Variants in FAAH2 observed in about 807,000 individuals in gnomAD.
FAAH2 encodes the protein fatty-acid amide hydrolase 2.
In FAAH2, 60 loss-of-function variants were observed where a neutral mutation model predicts 36.9. The observed-to-expected ratio is 1.63, with a 90% CI of 1.32 to 2.02. The LOEUF is 2.02. Among genes scored for constraint, FAAH2 ranks in the 30% most tolerant of loss-of-function variants. FAAH2 has a pLI of 0.00. For synonymous variants in FAAH2, 214 were observed against 143.8 expected (o/e 1.49, Z -3.49); for missense variants, 689 against 397.5 (o/e 1.73, Z -6.23).
At chrX:57,363,981 A>G (rs1338079691) in intron 5 of FAAH2, among the ~76,000 whole-genome samples, 1 of 78,169 alleles carries the variant, frequency 1.3e-5, no homozygotes, top group African/African-American at 4.8e-5. Flanking sequence ...TTTTGCATCT[A>G]TGTTCATCAT....
chrX:57,334,898 G>T (rs1163142118), intron 4 of FAAH2, among the ~76,000 whole-genome samples: 1 of 111,482 alleles, frequency 9.0e-6, no homozygotes, highest in Non-Finnish European at 1.9e-5. Flanking sequence ...CACAATTATA[G>T]TGGGAGAACT....
chrX:57,427,644 A>C (rs2056194708), intron 7 of FAAH2, among the ~76,000 whole-genome samples: 1 of 112,034 alleles, frequency 8.9e-6, no homozygotes, highest in Admixed American at 9.5e-5. Context: ...AACAGAATTA[A>C]AAGCAAAAGC....
intron 8 of FAAH2, among the ~76,000 whole-genome samples, chrX:57,435,192 T>G (rs1487261839): frequency 2.7e-5 from 3 of 111,317 alleles, no homozygotes; most frequent in Non-Finnish European, 5.7e-5. Context: ...TAAAACTCAA[T>G]GATATTATAA....
At chrX:57,351,383 A>G (rs2053995159) in intron 5 of FAAH2, among the ~76,000 whole-genome samples, 2 of 111,554 alleles carry the variant, frequency 1.8e-5, no homozygotes, top group South Asian at 7.3e-4. Flanking sequence ...CGTCCAAAAA[A>G]AGTACAAAGA....
At chrX:57,458,869 T>G (rs1014277947) in intron 10 of FAAH2, among the ~76,000 whole-genome samples, 9 of 112,206 alleles carry the variant, frequency 8.0e-5, no homozygotes. Flanking sequence ...GGACCTGGGT[T>G]TGAAACACAA....
At chrX:57,324,447 T>A (rs11091642) in intron 3 of FAAH2, among the ~76,000 whole-genome samples, 2 of 111,145 alleles carry the variant, frequency 1.8e-5, no homozygotes, top group East Asian at 5.7e-4. Context: ...GCCATTTTCA[T>A]GATATTGATT....
At chrX:57,295,417 A>T (rs1208348030) in intron 2 of FAAH2, among the ~76,000 whole-genome samples, 1 of 112,094 alleles carries the variant, frequency 8.9e-6, no homozygotes, top group Non-Finnish European at 1.9e-5. Context: ...AGAGGGCACA[A>T]ATTATCAAAG....
the FAAH2 span, among the ~76,000 whole-genome samples, chrX:57,259,943 G>C: frequency 9.0e-6 from 1 of 111,571 alleles, no homozygotes; most frequent in Non-Finnish European, 1.9e-5. Context: ...TTTAATAATA[G>C]TGACTGAAAT....
the FAAH2 span, among the ~76,000 whole-genome samples, chrX:57,200,690 G>C: frequency 9.0e-6 from 1 of 111,310 alleles, no homozygotes; most frequent in Non-Finnish European, 1.9e-5. Context: ...TCCTTCCACT[G>C]TTTAATTTTT....
chrX:57,396,454 T>C (rs1314107368), intron 7 of FAAH2, among the ~76,000 whole-genome samples: 1 of 109,788 alleles, frequency 9.1e-6, no homozygotes. Flanking sequence ...TTCTCTCTTT[T>C]GGATGAAGGC....
At chrX:57,413,197 T>C (rs188624248) in intron 7 of FAAH2, among the ~76,000 whole-genome samples, 2 of 112,299 alleles carry the variant, frequency 1.8e-5, no homozygotes, top group Non-Finnish European at 3.8e-5. Flanking sequence ...GATGATAGTT[T>C]CTTTGCTATG....
the FAAH2 span, among the ~76,000 whole-genome samples, chrX:57,212,774 G>A: frequency 8.9e-6 from 1 of 111,863 alleles, no homozygotes; most frequent in Non-Finnish European, 1.9e-5. Flanking sequence ...TGAAAATGGT[G>A]TCCTGTGGTT....
intron 2 of FAAH2, among the ~76,000 whole-genome samples, chrX:57,306,976 T>TAC (rs199916519): frequency 1.5e-4 from 9 of 58,744 alleles, no homozygotes; most frequent in East Asian, 5.4e-4. Context: ...CACACACGTA[T>TAC]ACACACACAC....
At chrX:57,267,729 T>A in the FAAH2 span, among the ~76,000 whole-genome samples, 1 of 111,892 alleles carries the variant, frequency 8.9e-6, no homozygotes, top group African/African-American at 3.2e-5. Flanking sequence ...AGCCCAGAAG[T>A]TCAGAGATGA....
chrX:57,432,534 G>T (rs1011099764), intron 8 of FAAH2, among the ~76,000 whole-genome samples: 7 of 111,370 alleles, frequency 6.3e-5, no homozygotes, highest in African/African-American at 2.0e-4. Flanking sequence ...AGAGCTATCT[G>T]CCCATCTCCT....
At chrX:57,138,794 T>C in the FAAH2 span, among the ~76,000 whole-genome samples, 1 of 112,075 alleles carries the variant, frequency 8.9e-6, no homozygotes, top group African/African-American at 3.2e-5. Flanking sequence ...TATTTTGATA[T>C]ACAATTACCT....
the FAAH2 span, among the ~76,000 whole-genome samples, chrX:57,236,961 G>T: frequency 0.01 from 1,147 of 111,261 alleles, 16 homozygotes; most frequent in African/African-American, 0.035. Flanking sequence ...TTTCCTTGTG[G>T]TTTTTTCTGA....
At chrX:57,130,683 G>A in the FAAH2 span, among the ~76,000 whole-genome samples, 3 of 112,237 alleles carry the variant, frequency 2.7e-5, no homozygotes, top group African/African-American at 6.5e-5. Flanking sequence ...CTTCAAGACA[G>A]AGGCAAGAAG....
At chrX:57,230,951 T>C in the FAAH2 span, among the ~76,000 whole-genome samples, 1 of 110,760 alleles carries the variant, frequency 9.0e-6, no homozygotes, top group Non-Finnish European at 1.9e-5. Context: ...CTTTTTTTAT[T>C]CCTTGATTAT....
Sources: gnomAD v4.1 joint callset for allele counts (sites outside exome capture counted in the v4.1 genomes callset) on GRCh38, gnomAD v4.1.1 for gene constraint, MANE v1.5 for transcripts, NCBI Gene and HGNC (gene_info 2026-07-23, HGNC 2026-07-21) for gene names.